The following FOCAD variants were observed in gnomAD, a reference collection of about 807,000 sequenced individuals.
The protein encoded by FOCAD is KIAA1797.
Under a neutral mutation model 225.6 loss-of-function variants are expected in FOCAD, and 198 were observed. The observed-to-expected ratio is 0.88, with a 90% confidence interval of 0.78 to 0.99. The LOEUF is 0.99. FOCAD is among the 50% of genes least tolerant of loss of function. The pLI is 0.00. For missense variants in FOCAD, 2,713 were observed against 2,123.6 expected, an observed-to-expected ratio of 1.28 and a Z score of -5.46; for synonymous variants, 897 against 755.0, an observed-to-expected ratio of 1.19 and a Z score of -3.08.
At chr9:20,827,275 A>T (rs1418626381) in intron 15 of FOCAD, among the ~76,000 whole-genome samples, 1 of 152,068 alleles carries the variant, frequency 6.6e-6, no homozygotes, top group Non-Finnish European at 1.5e-5. Context: ...CTTATTCTGG[A>T]CATTTCTTAT....
At chr9:20,912,725 C>T (rs749993326) in intron 22 of FOCAD, 141 bp from the exon 23 acceptor site, 1 of 606,222 alleles carries the variant, frequency 1.6e-6, no homozygotes, top group Non-Finnish European at 2.9e-6. Flanking sequence ...TTTCTCCTCA[C>T]ACATCCTCTT....
intron 11 of FOCAD, among the ~76,000 whole-genome samples, chr9:20,791,233 A>T (rs866902376): frequency 7.4e-5 from 6 of 81,612 alleles, no homozygotes; most frequent in Admixed American, 3.3e-4. Flanking sequence ...ACACACACAC[A>T]CACTCACACA....
chr9:20,731,014 TC>T (rs924188679), intron 4 of FOCAD, among the ~76,000 whole-genome samples: 25 of 152,162 alleles, frequency 1.6e-4, no homozygotes, highest in Non-Finnish European at 2.9e-4. Context: ...GGCGGGCAGA[TC>T]ACCTGAGGTC....
At chr9:20,768,696 A>G (rs1368586858) in intron 7 of FOCAD, among the ~76,000 whole-genome samples, 1 of 152,118 alleles carries the variant, frequency 6.6e-6, no homozygotes, top group Non-Finnish European at 1.5e-5. Flanking sequence ...ATAACCATGC[A>G]ACCTTGTTGA....
At position 20,717,903 on chromosome 9, in the gene FOCAD, G is replaced by T. The variant is rs537692486; in HGVS notation, c.132+35G>T. The T allele has an allele frequency of 1.2e-5, 19 of 1,531,294 alleles. No homozygotes were observed. The South Asian group carries it at 2.1e-4, about 17-fold the overall frequency. The allele number at this position is 1,531,294 out of a possible 1,614,324, so 94.9% of individuals were successfully genotyped here. ...TAACTTTATGCTTTAATTCTCTTCAGATAAGATTGCTACTAGCTGGATCAC... is the reference window on the plus strand; with the variant it reads ...TAACTTTATGCTTTAATTCTCTTCATATAAGATTGCTACTAGCTGGATCAC... On this transcript the variant is annotated intron_variant, in intron 3 of 43. Transcript: ENST00000338382.
At chr9:20,947,339 T>C (rs1837276759) in intron 30 of FOCAD, among the ~76,000 whole-genome samples, 1 of 152,196 alleles carries the variant, frequency 6.6e-6, no homozygotes, top group African/African-American at 2.4e-5. Flanking sequence ...AGTTCTGATA[T>C]GTACTAGAAC....
chr9:20,761,920 C>T (rs938577740), intron 6 of FOCAD, among the ~76,000 whole-genome samples: 3 of 152,082 alleles, frequency 2.0e-5, no homozygotes, highest in African/African-American at 7.2e-5. Context: ...ATGTCTTACT[C>T]CACCGAAGTG....
At chr9:20,714,629 T>G (rs1213993800) in intron 1 of FOCAD, among the ~76,000 whole-genome samples, 1 of 124,188 alleles carries the variant, frequency 8.1e-6, no homozygotes, top group Non-Finnish European at 1.7e-5. Flanking sequence ...CCTGCCTGCC[T>G]GCCTGCCTTC....
intron 11 of FOCAD, among the ~76,000 whole-genome samples, chr9:20,808,127 C>T (rs573329864): frequency 2.0e-5 from 3 of 152,196 alleles, no homozygotes; most frequent in African/African-American, 7.2e-5. Flanking sequence ...TGCAGTGGAA[C>T]AGAAACCTGA....
Position 20,789,445 on chromosome 9 carries a change from C to T in FOCAD, c.1292C>T (p.Ala431Val). 1.2e-6 allele frequency: 2 copies of T among 1,614,050 alleles called. No individual in the cohort carries two copies. The highest frequency in any genetic ancestry group is 1.3e-5 in the African/African-American group (1 of 75,034). ...GAAGTAATGACAGACTCGTCTGCTG[C>T]AAGTGACTGGTTGGCTTCAGTAGAG... ...ILEVMTDSSA[A>V]SDWLASVESL... The change falls in exon 11 of 44, where the codon GCA becomes GTA. Residue 431 changes from alanine to valine, a missense_variant. Coordinates refer to ENST00000338382, the MANE Select transcript of FOCAD (RefSeq NM_001375567.1).
At chr9:20,972,479 A>G (rs570632470) in intron 35 of FOCAD, among the ~76,000 whole-genome samples, 2 of 151,472 alleles carry the variant, frequency 1.3e-5, no homozygotes, top group South Asian at 2.1e-4. Context: ...GCCCATTTTT[A>G]TATGCTCTCT....
intron 4 of FOCAD, among the ~76,000 whole-genome samples, chr9:20,726,818 A>G (rs1313814833): frequency 2.6e-5 from 4 of 152,134 alleles, no homozygotes; most frequent in Non-Finnish European, 5.9e-5. Flanking sequence ...TTATGTAGGA[A>G]ATGGCTAGCA....
intron 11 of FOCAD, 114 bp downstream of exon 11, chr9:20,789,722 ATTT>A (rs543796120): frequency 1.0e-4 from 107 of 1,065,978 alleles, no homozygotes; most frequent in Non-Finnish European, 1.2e-4. Flanking sequence ...TGGGTTGATG[ATTT>A]TTTTTTTTTT....
chr9:20,750,953 G>C (rs1446047574), intron 5 of FOCAD, among the ~76,000 whole-genome samples: 1 of 152,012 alleles, frequency 6.6e-6, no homozygotes, highest in Non-Finnish European at 1.5e-5. Flanking sequence ...TGGGTGGCTT[G>C]GGTTATACAG....
At chr9:20,805,956 A>T (rs1416525779) in intron 11 of FOCAD, among the ~76,000 whole-genome samples, 1 of 152,180 alleles carries the variant, frequency 6.6e-6, no homozygotes, top group Non-Finnish European at 1.5e-5. Context: ...CACTGTTGCT[A>T]GGCAACTCTC....
At position 20,717,822 on chromosome 9, in the gene FOCAD, T is replaced by TGG; in HGVS notation, c.86_87insGG (p.Lys30GlufsTer20). On this transcript the variant is annotated frameshift_variant, in exon 3 of 44. Transcript: ENST00000338382. LOFTEE classifies it high-confidence loss of function. ...GTGGGTCATCTTATTGCTGCAGTCC[T>TGG]AAAGGAAAATGGTTTTTCAGAAAAG... 6.2e-7 allele frequency: 1 copy of TGG among 1,612,692 alleles called. No homozygotes were observed. Among genetic ancestry groups the TGG allele is most frequent in the South Asian group, 1.1e-5 (1 of 91,060 alleles).
chr9:20,690,134 G>A (rs1822888651), intron 1 of FOCAD, among the ~76,000 whole-genome samples: 1 of 152,216 alleles, frequency 6.6e-6, no homozygotes, highest in South Asian at 2.1e-4. Context: ...GAATGTGGGA[G>A]ATTGGCATAC....
At chr9:20,907,607 C>T (rs938461337) in intron 22 of FOCAD, among the ~76,000 whole-genome samples, 2 of 152,028 alleles carry the variant, frequency 1.3e-5, no homozygotes, top group Non-Finnish European at 1.5e-5. Flanking sequence ...CTTACATCTC[C>T]AGCCTGATCT....
At position 20,821,009 on chromosome 9, in the gene FOCAD, G is replaced by A. The variant is rs1302303114; in HGVS notation, c.1731G>A (p.Lys577=). ...ATGTACCTTCTCTTTCGGTGGGCAA[G>A]GAAGTCCAATGGGAGAAACTGATTG... ...VSDVPSLSVG[K]EVQWEKLIAK... is the part of the protein sequence containing the mutation. The change falls in exon 14 of 44, where the codon AAG becomes AAA. Residue 577 remains lysine, a synonymous_variant. Transcript: ENST00000338382. The A allele has an allele frequency of 1.2e-6, 2 of 1,612,756 alleles. No individual in the cohort carries two copies. Among genetic ancestry groups the A allele is most frequent in the East Asian group, 2.2e-5 (1 of 44,840 alleles).
Sources: allele counts gnomAD v4.1 joint callset (sites outside exome capture counted in the v4.1 genomes callset), GRCh38; gene constraint gnomAD v4.1.1; transcripts MANE v1.5; gene names NCBI Gene and HGNC (gene_info 2026-07-23, HGNC 2026-07-21).